The following FRMD6 variants were observed in gnomAD, a reference collection of about 807,000 sequenced individuals.
FRMD6 encodes the protein FERM domain containing 6.
In FRMD6, 37 loss-of-function variants were observed where a neutral mutation model predicts 73.2. The ratio of observed to expected loss-of-function variants is 0.51; its 90% CI spans 0.39 to 0.66. The LOEUF is 0.66. FRMD6 is among the 30% of genes least tolerant of loss of function. FRMD6 has a pLI of 0.00. For missense variants in FRMD6, 714 were observed against 780.5 expected, an observed-to-expected ratio of 0.91 and a Z score of 1.02; for synonymous variants, 273 against 282.2, an observed-to-expected ratio of 0.97 and a Z score of 0.33.
intron 1 of FRMD6, among the ~76,000 whole-genome samples, chr14:51,688,468 C>T (rs1474997508): frequency 6.6e-6 from 1 of 152,010 alleles, no homozygotes; most frequent in Non-Finnish European, 1.5e-5. Context: ...TCCCCTCCTG[C>T]TGATAAGAGT....
At chr14:51,590,429 T>C (rs1889327376) in intron 2 of FRMD6, among the ~76,000 whole-genome samples, 1 of 152,192 alleles carries the variant, frequency 6.6e-6, no homozygotes, top group African/African-American at 2.4e-5. Flanking sequence ...TTTTTACAAG[T>C]GTTCCTCTAA....
At chr14:51,413,197 A>T in the FRMD6 span, among the ~76,000 whole-genome samples, 1 of 151,952 alleles carries the variant, frequency 6.6e-6, no homozygotes, top group Admixed American at 6.6e-5. Context: ...TCTAGGGTAC[A>T]TGTGCACAAC....
intron 12 of FRMD6, among the ~76,000 whole-genome samples, chr14:51,725,229 A>C (rs1214870226): frequency 6.6e-6 from 1 of 152,076 alleles, no homozygotes; most frequent in African/African-American, 2.4e-5. Flanking sequence ...CGAGAAGGAG[A>C]CTGAGACACT....
the FRMD6 span, among the ~76,000 whole-genome samples, chr14:51,429,430 T>G: frequency 8.9e-4 from 135 of 151,908 alleles, 2 homozygotes; most frequent in South Asian, 7.9e-3. Flanking sequence ...GAAGATTTTT[T>G]TTTGTTTGTT....
intron 2 of FRMD6, among the ~76,000 whole-genome samples, chr14:51,691,588 A>AT (rs758677611): frequency 0.017 from 1,275 of 75,036 alleles, 27 homozygotes; most frequent in African/African-American, 0.027. Flanking sequence ...TTTGATTTTG[A>AT]TTTTTTTTTT....
chr14:51,534,338 A>G (rs1885764673), intron 1 of FRMD6, among the ~76,000 whole-genome samples: 1 of 152,202 alleles, frequency 6.6e-6, no homozygotes, highest in Non-Finnish European at 1.5e-5. Context: ...TGATGTAGTC[A>G]CCAGTCCTCA....
the FRMD6 span, among the ~76,000 whole-genome samples, chr14:51,459,181 G>A: frequency 6.6e-6 from 1 of 152,160 alleles, no homozygotes; most frequent in Non-Finnish European, 1.5e-5. Context: ...GCAACAAAGC[G>A]CAAAAATCAC....
chr14:51,427,351 C>T, the FRMD6 span, among the ~76,000 whole-genome samples: 6 of 152,198 alleles, frequency 3.9e-5, no homozygotes, highest in Non-Finnish European at 8.8e-5. Context: ...TGCTGATCAC[C>T]GTGCATATGG....
At chr14:51,560,212 T>C (rs1388029795) in intron 1 of FRMD6, among the ~76,000 whole-genome samples, 3 of 152,208 alleles carry the variant, frequency 2.0e-5, no homozygotes, top group Non-Finnish European at 4.4e-5. Context: ...TCTCACCTAA[T>C]ACAATGAAAT....
intron 1 of FRMD6, among the ~76,000 whole-genome samples, chr14:51,652,597 C>T (rs896377355): frequency 6.6e-6 from 1 of 152,244 alleles, no homozygotes; most frequent in African/African-American, 2.4e-5. Context: ...TGCCCCGCGT[C>T]CCGGAAAGTG....
intron 1 of FRMD6, among the ~76,000 whole-genome samples, chr14:51,679,248 AC>A (rs1347679580): frequency 4.0e-5 from 6 of 151,792 alleles, no homozygotes; most frequent in African/African-American, 1.5e-4. Context: ...AAAAGGCTAG[AC>A]AAAAGGAAGG....
At chr14:51,411,036 C>T in the FRMD6 span, among the ~76,000 whole-genome samples, 1 of 152,066 alleles carries the variant, frequency 6.6e-6, no homozygotes, top group African/African-American at 2.4e-5. Context: ...TTAGTTAACC[C>T]CTGTCTTTGT....
intron 2 of FRMD6, among the ~76,000 whole-genome samples, chr14:51,642,383 T>C (rs771772341): frequency 6.6e-6 from 1 of 151,990 alleles, no homozygotes; most frequent in African/African-American, 2.4e-5. Flanking sequence ...CTACTAATAA[T>C]AGAAAAATTA....
intron 2 of FRMD6, among the ~76,000 whole-genome samples, chr14:51,640,901 T>C (rs1891779973): frequency 6.6e-6 from 1 of 152,214 alleles, no homozygotes; most frequent in African/African-American, 2.4e-5. Context: ...ATGATAATTT[T>C]CCATGGTAAG....
upstream of FRMD6, among the ~76,000 whole-genome samples, chr14:51,488,943 G>T (rs1410135381): frequency 6.6e-6 from 1 of 152,190 alleles, no homozygotes; most frequent in African/African-American, 2.4e-5. Flanking sequence ...CCCTTTGGGT[G>T]GGTATGTTGC....
chr14:51,590,219 G>A (rs979794770), intron 2 of FRMD6, among the ~76,000 whole-genome samples: 9 of 152,072 alleles, frequency 5.9e-5, no homozygotes, highest in Non-Finnish European at 1.0e-4. Context: ...AGGACTCTCC[G>A]AGAGTGTCAT....
At chr14:51,520,852 G>T (rs2140294711) in intron 1 of FRMD6, among the ~76,000 whole-genome samples, 1 of 152,270 alleles carries the variant, frequency 6.6e-6, no homozygotes, top group Middle Eastern at 3.4e-3. Context: ...CGAGGCTGCA[G>T]TGAGCCATGA....
At chr14:51,549,491 T>G (rs1886659487) in intron 1 of FRMD6, among the ~76,000 whole-genome samples, 1 of 152,068 alleles carries the variant, frequency 6.6e-6, no homozygotes, top group Non-Finnish European at 1.5e-5. Flanking sequence ...TACCTTCCCT[T>G]CCCCGAACTC....
intron 1 of FRMD6, among the ~76,000 whole-genome samples, chr14:51,566,538 C>T (rs990243645): frequency 3.9e-5 from 6 of 152,172 alleles, no homozygotes; most frequent in Non-Finnish European, 8.8e-5. Flanking sequence ...AATTTTCCCA[C>T]GTAATATTTG....
Sources: gnomAD v4.1 joint callset for allele counts (sites outside exome capture counted in the v4.1 genomes callset) on GRCh38, gnomAD v4.1.1 for gene constraint, MANE v1.5 for transcripts, NCBI Gene and HGNC (gene_info 2026-07-23, HGNC 2026-07-21) for gene names.